The following ELK3 variants were observed in gnomAD, a reference collection of about 807,000 sequenced individuals.
ELK3 encodes ETS domain-containing protein Elk-3.
In ELK3, 10 loss-of-function variants were observed where a neutral mutation model predicts 28.9. The observed-to-expected ratio is 0.35, with a 90% CI of 0.21 to 0.59. The LOEUF is 0.59. ELK3 is among the 20% of genes least tolerant of loss of function. The pLI is 0.82. For synonymous variants in ELK3, 272 were observed against 243.5 expected (o/e 1.12, Z -1.09); for missense variants, 463 against 517.3 (o/e 0.90, Z 1.02).
chr12:96,254,719 A>G (rs1951934529), intron 3 of ELK3, among the ~76,000 whole-genome samples: 1 of 152,004 alleles, frequency 6.6e-6, no homozygotes, highest in South Asian at 2.1e-4. Flanking sequence ...CTCAGGTGCA[A>G]TACAAAAGGA....
chr12:96,259,668 C>T (rs1287267798), intron 3 of ELK3, 63 bp from the exon 4 acceptor site: 1 of 1,545,356 alleles, frequency 6.5e-7, no homozygotes, highest in Non-Finnish European at 8.8e-7. Context: ...CTCTGCTGCT[C>T]TGTTGATCAT....
intron 4 of ELK3, 48 bp from the exon 5 acceptor site, chr12:96,267,034 C>T: frequency 6.6e-7 from 1 of 1,524,766 alleles, no homozygotes; most frequent in Non-Finnish European, 9.0e-7. Flanking sequence ...CTAAGTTCTT[C>T]CCAATGGATT....
chr12:96,227,492 C>T (rs1951710539), intron 2 of ELK3, among the ~76,000 whole-genome samples: 1 of 152,094 alleles, frequency 6.6e-6, no homozygotes, highest in Non-Finnish European at 1.5e-5. Context: ...ATATTTTTAG[C>T]AGAGAAAAAA....
chr12:96,259,835 G>A lies in ELK3; in HGVS notation c.1107G>A (p.Gly369=), dbSNP rs375641918. The A allele has an allele frequency of 3.7e-6, 6 of 1,603,610 alleles. No homozygotes were observed. The Admixed American group carries it at 1.0e-4, about 27-fold the overall frequency. ...VAPLSPARLQ[G]PSTLFQFPTL... is the part of the protein sequence containing the mutation. Reference sequence around the variant, plus strand: ...CGCTGAGTCCTGCCAGGCTGCAAGGGCCAAGCACGCTGTTCCAGGTGAGCG... The same window carrying A: ...CGCTGAGTCCTGCCAGGCTGCAAGGACCAAGCACGCTGTTCCAGGTGAGCG... Residue 369 remains glycine, a synonymous_variant, in exon 4 of 5, where the codon GGG becomes GGA. Coordinates refer to ENST00000228741, the MANE Select transcript of ELK3 (RefSeq NM_005230.4).
intron 2 of ELK3, among the ~76,000 whole-genome samples, chr12:96,233,258 C>T (rs931204254): frequency 6.6e-6 from 1 of 152,192 alleles, no homozygotes; most frequent in African/African-American, 2.4e-5. Flanking sequence ...TCTGTTGTTG[C>T]AGAAGGAGAC....
chr12:96,213,647 G>C (rs1314246611), intron 1 of ELK3: 1 of 152,128 alleles, frequency 6.6e-6, no homozygotes, highest in Admixed American at 6.5e-5. Flanking sequence ...GAAGGAAAGA[G>C]GGGTGTTCCT....
chr12:96,200,517 A>C (rs1379731339), intron 1 of ELK3, among the ~76,000 whole-genome samples: 2 of 152,122 alleles, frequency 1.3e-5, no homozygotes, highest in Non-Finnish European at 1.5e-5. Context: ...ATGTATTTAG[A>C]GACAGAGCCT....
At chr12:96,224,717 C>G (rs1326635632) in intron 2 of ELK3, among the ~76,000 whole-genome samples, 1 of 152,186 alleles carries the variant, frequency 6.6e-6, no homozygotes, top group Non-Finnish European at 1.5e-5. Flanking sequence ...AATTGTTAGC[C>G]ATTTCAGTTT....
chr12:96,244,349 T>G (rs1246798710), intron 2 of ELK3, among the ~76,000 whole-genome samples: 3 of 152,178 alleles, frequency 2.0e-5, no homozygotes, highest in Non-Finnish European at 4.4e-5. Flanking sequence ...GAGAGACATT[T>G]TCTGTCATTT....
intron 2 of ELK3, among the ~76,000 whole-genome samples, chr12:96,238,803 A>G (rs542579333): frequency 2.0e-5 from 3 of 152,346 alleles, no homozygotes; most frequent in East Asian, 3.9e-4. Flanking sequence ...ACTGTTCTCA[A>G]GCAAGGCCCA....
At chr12:96,199,559 C>T (rs1951495265) in intron 1 of ELK3, among the ~76,000 whole-genome samples, 1 of 151,834 alleles carries the variant, frequency 6.6e-6, no homozygotes, top group African/African-American at 2.4e-5. Flanking sequence ...GTAGATTACT[C>T]AGTCTTTTAA....
chr12:96,216,275 AC>A (rs1245879391), intron 1 of ELK3, among the ~76,000 whole-genome samples: 1 of 152,038 alleles, frequency 6.6e-6, no homozygotes, highest in Non-Finnish European at 1.5e-5. Flanking sequence ...AGCCGAATGT[AC>A]CCCAGGGAAG....
intron 2 of ELK3, among the ~76,000 whole-genome samples, chr12:96,224,756 C>T (rs897770127): frequency 6.6e-6 from 1 of 152,194 alleles, no homozygotes; most frequent in Non-Finnish European, 1.5e-5. Context: ...TATTTAGCCT[C>T]TAAGACATAA....
At chr12:96,228,255 TA>T (rs138679999) in intron 2 of ELK3, among the ~76,000 whole-genome samples, 38,894 of 151,156 alleles carry the variant, frequency 0.26, 5,498 homozygotes, top group East Asian at 0.58. Context: ...CCGTCTCTAC[TA>T]AAAATACAAA....
At chr12:96,258,480 C>T (rs763084975) in intron 3 of ELK3, among the ~76,000 whole-genome samples, 3 of 152,194 alleles carry the variant, frequency 2.0e-5, no homozygotes, top group Non-Finnish European at 4.4e-5. Context: ...ATTAATGATG[C>T]TACGGAGGCC....
intron 1 of ELK3, among the ~76,000 whole-genome samples, chr12:96,215,592 A>AT (rs1458006948): frequency 1.3e-5 from 2 of 151,996 alleles, no homozygotes; most frequent in South Asian, 2.1e-4. Flanking sequence ...TCAAAGTTAA[A>AT]TAAAAACATG....
At chr12:96,224,684 T>C (rs558170486) in intron 2 of ELK3, among the ~76,000 whole-genome samples, 1 of 152,366 alleles carries the variant, frequency 6.6e-6, no homozygotes, top group East Asian at 1.9e-4. Flanking sequence ...TTATTGCTGT[T>C]TAGGAGAACC....
chr12:96,203,483 C>CA lies in ELK3; in HGVS notation c.-3+8780dup, dbSNP rs1160023980. On this transcript the variant is annotated intron_variant, in intron 1 of 4. Coordinates refer to ENST00000228741, the MANE Select transcript of ELK3 (RefSeq NM_005230.4). ...AGCACTTTGTACAATACCTGGCACT[C>CA]AATGAATTAAAAATAATCTGAAGCG... is the stretch of plus-strand genomic sequence containing the variant. 5.3e-5 allele frequency among the ~76,000 whole-genome samples: 8 copies of CA among 152,292 alleles called. No homozygotes were observed. In the South Asian group the frequency reaches 1.7e-3, roughly 32 times the overall value.
intron 3 of ELK3, among the ~76,000 whole-genome samples, chr12:96,249,854 A>ACCAGGAG (rs1951890643): frequency 8.0e-6 from 1 of 125,512 alleles, no homozygotes; most frequent in Non-Finnish European, 1.7e-5. Flanking sequence ...AGAGGGCACG[A>ACCAGGAG]CCAGGAGCCA....
Sources: allele counts gnomAD v4.1 joint callset (sites outside exome capture counted in the v4.1 genomes callset), GRCh38; gene constraint gnomAD v4.1.1; transcripts MANE v1.5; gene names NCBI Gene and HGNC (gene_info 2026-07-23, HGNC 2026-07-21).